The following SVOP variants were observed in gnomAD, a reference collection of about 807,000 sequenced individuals.
The protein encoded by SVOP is SV2 related protein.
Under a neutral mutation model 69.1 loss-of-function variants are expected in SVOP, and 17 were observed. The observed-to-expected ratio is 0.25, with a 90% confidence interval of 0.17 to 0.37. The LOEUF is 0.37. SVOP is among the 10% of genes least tolerant of loss of function. The pLI is 1.00. For missense variants in SVOP, 435 were observed against 597.5 expected (o/e 0.73, Z 2.84); for synonymous variants, 238 against 238.6 (o/e 1.00, Z 0.02).
intron 13 of SVOP, 38 bp downstream of exon 13, chr12:108,919,637 T>C: frequency 6.6e-7 from 1 of 1,526,302 alleles, no homozygotes; most frequent in East Asian, 2.4e-5. Context: ...CACCTCCACC[T>C]GTGCTCAAAC....
chr12:108,928,195 T>C (rs754007863), intron 11 of SVOP, among the ~76,000 whole-genome samples: 1 of 152,098 alleles, frequency 6.6e-6, no homozygotes, highest in African/African-American at 2.4e-5. Context: ...TGAGCCACCA[T>C]GCGCAGCCAA....
rs372053222 is a variant in SVOP, at chr12:108,908,060, C to G, written c.*4475G>C. On this transcript the variant is annotated 3_prime_UTR_variant, in exon 16 of 16. Coordinates refer to ENST00000610966, the MANE Select transcript of SVOP (RefSeq NM_018711.5). ...CTAAACTGGGCCAATCAGCTTCATTCCTGAAGATCTGGGAGTGGGGCACTG... is the reference window on the plus strand; with the variant it reads ...CTAAACTGGGCCAATCAGCTTCATTGCTGAAGATCTGGGAGTGGGGCACTG... 1 of 149,078 alleles carries G rather than the reference C, an allele frequency of 6.7e-6. No individual in the cohort carries two copies. Among genetic ancestry groups the G allele is most frequent in the Non-Finnish European group, 1.5e-5 (1 of 67,730 alleles). The allele number at this position is 149,078 out of a possible 1,614,324, so 9.2% of individuals were successfully genotyped here. A position where few individuals can be genotyped will look rare whatever the true frequency, so the allele number is the denominator to read the frequency against.
intron 1 of SVOP, among the ~76,000 whole-genome samples, chr12:108,990,827 G>A (rs2040195613): frequency 6.6e-6 from 1 of 152,178 alleles, no homozygotes; most frequent in Non-Finnish European, 1.5e-5. Context: ...ACTCCCACGG[G>A]GCTGGTCACG....
At chr12:108,994,850 T>C (rs1280592483) in intron 1 of SVOP, among the ~76,000 whole-genome samples, 1 of 152,186 alleles carries the variant, frequency 6.6e-6, no homozygotes, top group Non-Finnish European at 1.5e-5. Flanking sequence ...TTTAAATGTT[T>C]TTACAGCCAT....
intron 1 of SVOP, among the ~76,000 whole-genome samples, chr12:108,988,770 C>CTTTTTTTTTTTTTTTTTTTTT (rs758822738): frequency 1.1e-5 from 1 of 92,182 alleles, no homozygotes; most frequent in Admixed American, 1.5e-4. Context: ...TCTTTTCTCT[C>CTTTTTTTTTTTTTTTTTTTTT]TTTTTTTTTT....
chr12:108,936,245 A>T (rs926833584), intron 10 of SVOP, among the ~76,000 whole-genome samples: 4 of 152,020 alleles, frequency 2.6e-5, no homozygotes, highest in African/African-American at 9.7e-5. Context: ...GGATTATGCC[A>T]TGTTGGCCAG....
chr12:109,001,137 C>A (rs2040266701), intron 1 of SVOP, among the ~76,000 whole-genome samples: 1 of 133,010 alleles, frequency 7.5e-6, no homozygotes, highest in African/African-American at 2.8e-5. Flanking sequence ...AATCAATGTA[C>A]AAAAATCACA....
rs768523814 is a variant in SVOP at position 108,938,855 on chromosome 12, G to A, written c.869C>T (p.Pro290Leu). 3.7e-6 allele frequency: 6 copies of A among 1,613,856 alleles called. No homozygotes were observed. The highest frequency in any genetic ancestry group is 2.7e-5 in the African/African-American group (2 of 74,908). The change falls in exon 9 of 16, where the codon CCG (proline) becomes CTG (leucine). Residue 290 changes from proline (P) to leucine (L), a missense_variant. Transcript: ENST00000610966. ...RIATENGAPM[P>L]LGKLIISRQE... ...TCTGGAGATGATGAGTTTCCCCAGC[G>A]GCATGGGAGCTCCGTTTTCAGTTGC...
chr12:108,977,738 T>TA (rs1251909451), intron 3 of SVOP, among the ~76,000 whole-genome samples: 1 of 152,210 alleles, frequency 6.6e-6, no homozygotes, highest in Non-Finnish European at 1.5e-5. Flanking sequence ...GTGTGTGTTT[T>TA]AAAAAATATG....
intron 15 of SVOP, among the ~76,000 whole-genome samples, chr12:108,914,652 T>C (rs1050943050): frequency 6.6e-6 from 1 of 151,982 alleles, no homozygotes; most frequent in African/African-American, 2.4e-5. Context: ...CATTGCAAAC[T>C]CTGCCTCCTG....
intron 10 of SVOP, among the ~76,000 whole-genome samples, chr12:108,935,952 G>A (rs949562508): frequency 1.3e-5 from 2 of 151,764 alleles, no homozygotes; most frequent in Admixed American, 6.6e-5. Context: ...CCCAAAATAC[G>A]TGCCACATGC....
At chr12:108,979,471 A>C (rs2040125224) in intron 2 of SVOP, among the ~76,000 whole-genome samples, 2 of 152,038 alleles carry the variant, frequency 1.3e-5, no homozygotes, top group Non-Finnish European at 2.9e-5. Context: ...TGAACTCCTG[A>C]GCTCAAGCTG....
intron 4 of SVOP, among the ~76,000 whole-genome samples, chr12:108,974,632 G>A (rs2040096791): frequency 6.6e-6 from 1 of 152,012 alleles, no homozygotes; most frequent in Non-Finnish European, 1.5e-5. Context: ...TCAGGAGGCT[G>A]GGGTGGGAGG....
chr12:108,982,112 C>T, intron 2 of SVOP, among the ~76,000 whole-genome samples: 1 of 150,102 alleles, frequency 6.7e-6, no homozygotes, highest in East Asian at 2.0e-4. Context: ...ACCATCGTAA[C>T]CACCATCTTC....
At position 108,909,931 on chromosome 12, in the gene SVOP, G is replaced by A. The variant is rs1489008946; in HGVS notation, c.*2604C>T. ...AATATTGATTTTTTTGAAAAAGGCA[G>A]GCTATTTACAAGGCAAAGAGTTTTT... On this transcript the variant is annotated 3_prime_UTR_variant, in exon 16 of 16. Coordinates refer to ENST00000610966, the MANE Select transcript of SVOP (RefSeq NM_018711.5). The A allele has an allele frequency of 6.6e-6, 1 of 152,310 alleles. No individual in the cohort carries two copies. Among genetic ancestry groups the A allele is most frequent in the Non-Finnish European group, 1.5e-5 (1 of 68,154 alleles). 9.4% of individuals were successfully genotyped at this position (152,310 alleles called of 1,614,324 possible). A position where few individuals can be genotyped will look rare whatever the true frequency, so the allele number is the denominator to read the frequency against.
chr12:108,957,948 A>G (rs1054436189), intron 6 of SVOP, among the ~76,000 whole-genome samples: 2 of 152,274 alleles, frequency 1.3e-5, no homozygotes, highest in Non-Finnish European at 2.9e-5. Flanking sequence ...GAGATTATCC[A>G]GAATCCTGGA....
chr12:108,996,166 G>C (rs1373603599), intron 1 of SVOP, among the ~76,000 whole-genome samples: 2 of 152,100 alleles, frequency 1.3e-5, no homozygotes, highest in Non-Finnish European at 2.9e-5. Context: ...TCAGGAGTTT[G>C]AGACCAGCTT....
chr12:109,002,701 C>A (rs991077481), intron 1 of SVOP, among the ~76,000 whole-genome samples: 1 of 150,670 alleles, frequency 6.6e-6, no homozygotes, highest in Non-Finnish European at 1.5e-5. Context: ...AGTAAACTAC[C>A]GCAAGAACAA....
At chr12:108,993,296 TGGTGCCCAGC>T (rs1280635716) in intron 1 of SVOP, among the ~76,000 whole-genome samples, 2 of 150,448 alleles carry the variant, frequency 1.3e-5, no homozygotes, top group African/African-American at 2.4e-5. Context: ...ATGTAAGCCA[TGGTGCCCAGC>T]TGCAAGACCC....
Sources: gnomAD v4.1 joint callset for allele counts (sites outside exome capture counted in the v4.1 genomes callset) on GRCh38, gnomAD v4.1.1 for gene constraint, MANE v1.5 for transcripts, NCBI Gene and HGNC (gene_info 2026-07-23, HGNC 2026-07-21) for gene names.